MYOM1: variants seen among roughly 807,000 people sequenced by gnomAD.
The protein encoded by MYOM1 is myomesin 1, also known as myomesin-1.
MYOM1 carries 164 observed loss-of-function variants against 205.3 expected under a neutral mutation model. That is an observed-to-expected ratio of 0.80 (90% CI 0.70 to 0.91). The LOEUF is 0.91. MYOM1 is among the 40% of genes least tolerant of loss of function. The pLI is 0.00. For synonymous variants in MYOM1, 772 were observed against 789.4 expected (o/e 0.98, Z 0.37); for missense variants, 2,011 against 2,127.3 (o/e 0.95, Z 1.08).
chr18:3,169,955 T>C (rs2080532127), intron 8 of MYOM1, among the ~76,000 whole-genome samples: 1 of 152,072 alleles, frequency 6.6e-6, no homozygotes, highest in Non-Finnish European at 1.5e-5. Flanking sequence ...AATGGAATGT[T>C]ATTCAGCAAA....
chr18:3,119,656 T>C (rs1162491846), intron 20 of MYOM1, among the ~76,000 whole-genome samples: 1 of 152,236 alleles, frequency 6.6e-6, no homozygotes. Context: ...TAGGATTTAC[T>C]GGGAACACAA....
At chr18:3,156,238 G>A (rs2080300158) in intron 10 of MYOM1, among the ~76,000 whole-genome samples, 1 of 152,212 alleles carries the variant, frequency 6.6e-6, no homozygotes, top group African/African-American at 2.4e-5. Flanking sequence ...GGAGTTAGTA[G>A]AAGAGGCTGA....
rs1382347947 is a variant in MYOM1, at chr18:3,090,716, A to G, written c.3951T>C (p.Thr1317=). 3 of 1,613,974 alleles carry G rather than the reference A, an allele frequency of 1.9e-6. No homozygotes were observed. The highest frequency in any genetic ancestry group is 2.5e-6 in the Non-Finnish European group (3 of 1,179,876). ...TTGCTTTTCCATCTTGAAGCTGGAA[A>G]GTGTACGTTCCCTCATCCTCATCCT... ...KLQDEDEGTY[T]FQLQDGKATN... The change falls in exon 27 of 38, where the codon ACT becomes ACC. Residue 1317 remains threonine, a synonymous_variant. Transcript: ENST00000356443.
chr18:3,208,627 G>A (rs1431598222), intron 2 of MYOM1, among the ~76,000 whole-genome samples: 1 of 152,188 alleles, frequency 6.6e-6, no homozygotes, highest in Non-Finnish European at 1.5e-5. Context: ...AGGAAATAAT[G>A]TGGCTCATCA....
At chr18:3,162,098 G>T (rs1367612445) in intron 10 of MYOM1, among the ~76,000 whole-genome samples, 1 of 152,136 alleles carries the variant, frequency 6.6e-6, no homozygotes, top group African/African-American at 2.4e-5. Context: ...ATAAAAATGA[G>T]CTAGTCTACC....
chr18:3,166,725 T>C (rs1004018660), intron 9 of MYOM1, among the ~76,000 whole-genome samples: 2 of 152,228 alleles, frequency 1.3e-5, no homozygotes, highest in Non-Finnish European at 2.9e-5. Flanking sequence ...AAGGACCTTA[T>C]AGGACAATAC....
At chr18:3,231,675 A>C in the MYOM1 span, among the ~76,000 whole-genome samples, 2 of 150,650 alleles carry the variant, frequency 1.3e-5, no homozygotes, top group Non-Finnish European at 3.0e-5. Context: ...CAGTAGCTGG[A>C]ATTAACTACA....
At position 3,210,842 on chromosome 18, in the gene MYOM1, T is replaced by G. The variant is rs563577221; in HGVS notation, c.290+4092A>C. ...AAATAACTACTCTGCTACTTTCTAG[T>G]GTAATGAAGAAAAGTCATTTAATCT... On this transcript the variant is annotated intron_variant, in intron 2 of 37. Transcript: ENST00000356443. Among the ~76,000 whole-genome samples the G allele has an allele frequency of 1.6e-3, 244 of 152,330 alleles. 9 individuals are homozygous for G. The South Asian group carries it at 0.048, about 30-fold the overall frequency.
intron 2 of MYOM1, among the ~76,000 whole-genome samples, chr18:3,200,454 A>G (rs899952597): frequency 2.0e-5 from 3 of 152,206 alleles, no homozygotes; most frequent in African/African-American, 7.2e-5. Context: ...AAATATGTTC[A>G]AAAACTGAAG....
At chr18:3,243,217 G>T in the MYOM1 span, among the ~76,000 whole-genome samples, 1 of 151,998 alleles carries the variant, frequency 6.6e-6, no homozygotes, top group Admixed American at 6.6e-5. Flanking sequence ...TAAAAGAAAG[G>T]AGCTCCTCCT....
the MYOM1 span, among the ~76,000 whole-genome samples, chr18:3,231,248 A>C: frequency 3.3e-5 from 5 of 152,224 alleles, no homozygotes; most frequent in African/African-American, 1.2e-4. Context: ...CAATACACTT[A>C]ATAGAAGGAA....
At chr18:3,190,428 C>G (rs1036689601) in intron 3 of MYOM1, 2 of 152,240 alleles carry the variant, frequency 1.3e-5, no homozygotes, top group Non-Finnish European at 2.9e-5. Flanking sequence ...GAATGAGATT[C>G]CACATTTGCC....
chr18:3,159,345 T>C (rs2080347593), intron 10 of MYOM1, among the ~76,000 whole-genome samples: 1 of 152,230 alleles, frequency 6.6e-6, no homozygotes. Context: ...AGCTGTTTTC[T>C]AAGCTGTAAG....
chr18:3,218,168 T>C (rs1328788865), intron 1 of MYOM1, among the ~76,000 whole-genome samples: 1 of 152,186 alleles, frequency 6.6e-6, no homozygotes, highest in Non-Finnish European at 1.5e-5. Context: ...GTTTATCCAC[T>C]GAAGCAGGCC....
chr18:3,136,120 C>A (rs7238534), intron 14 of MYOM1, among the ~76,000 whole-genome samples: 72,413 of 151,564 alleles, frequency 0.48, 17,865 homozygotes, highest in East Asian at 0.7. Flanking sequence ...CTTGGCTCTC[C>A]TTCTGTCTTG....
chr18:3,220,490 C>T (rs2081319100), upstream of MYOM1, among the ~76,000 whole-genome samples: 1 of 152,208 alleles, frequency 6.6e-6, no homozygotes, highest in Non-Finnish European at 1.5e-5. Flanking sequence ...TAGCTTCAAG[C>T]CTGAATATGT....
chr18:3,196,149 G>A (rs371526985), intron 2 of MYOM1, among the ~76,000 whole-genome samples: 2 of 152,034 alleles, frequency 1.3e-5, no homozygotes, highest in Non-Finnish European at 1.5e-5. Flanking sequence ...TATGTATTGA[G>A]GCTACCAAAC....
the MYOM1 span, among the ~76,000 whole-genome samples, chr18:3,230,796 T>C: frequency 6.6e-6 from 1 of 152,274 alleles, no homozygotes; most frequent in Non-Finnish European, 1.5e-5. Context: ...GAGTATACTT[T>C]CATTTTCAAT....
chr18:3,170,678 G>A (rs751869710), intron 8 of MYOM1, among the ~76,000 whole-genome samples: 1 of 152,148 alleles, frequency 6.6e-6, no homozygotes, highest in Admixed American at 6.5e-5. Flanking sequence ...AGAAACGACT[G>A]TTTATTGATG....
Sources: gnomAD v4.1 joint callset for allele counts (sites outside exome capture counted in the v4.1 genomes callset) on GRCh38, gnomAD v4.1.1 for gene constraint, MANE v1.5 for transcripts, NCBI Gene and HGNC (gene_info 2026-07-23, HGNC 2026-07-21) for gene names.